Variants in CCDC171 observed in about 807,000 individuals in gnomAD.
CCDC171 encodes coiled-coil domain containing 171, also known as coiled-coil domain-containing protein 171.
Under a neutral mutation model 168.2 loss-of-function variants are expected in CCDC171, and 177 were observed. The observed-to-expected ratio is 1.05, with a 90% confidence interval of 0.93 to 1.19. CCDC171 has a LOEUF of 1.19. CCDC171 is among the 50% of genes most tolerant of loss of function. CCDC171 has a pLI of 0.00. For synonymous variants in CCDC171, 687 were observed against 540.8 expected, an observed-to-expected ratio of 1.27 and a Z score of -3.75; for missense variants, 1,991 against 1,539.0, an observed-to-expected ratio of 1.29 and a Z score of -4.91.
intron 21 of CCDC171, among the ~76,000 whole-genome samples, chr9:15,811,258 C>G (rs2059344412): frequency 6.6e-6 from 1 of 152,172 alleles, no homozygotes; most frequent in Non-Finnish European, 1.5e-5. Flanking sequence ...ATCAAACTCT[C>G]TAACAACCCT....
chr9:15,575,963 G>A (rs1258762662), intron 3 of CCDC171, among the ~76,000 whole-genome samples: 1 of 151,870 alleles, frequency 6.6e-6, no homozygotes, highest in East Asian at 1.9e-4. Context: ...GTGGTGGTGC[G>A]CACCTATAAT....
At chr9:15,707,826 T>C (rs2052362173) in intron 11 of CCDC171, among the ~76,000 whole-genome samples, 1 of 152,222 alleles carries the variant, frequency 6.6e-6, no homozygotes, top group Admixed American at 6.5e-5. Flanking sequence ...AAGAAAACAT[T>C]CAGATAATTA....
At chr9:15,594,019 G>C in intron 5 of CCDC171, 22 bp from the exon 6 acceptor site, 1 of 1,545,740 alleles carries the variant, frequency 6.5e-7, no homozygotes, top group Non-Finnish European at 8.8e-7. Context: ...TAACAGTAAA[G>C]CAAGATTTTA....
the CCDC171 span, among the ~76,000 whole-genome samples, chr9:16,095,221 G>T: frequency 7.9e-5 from 12 of 152,132 alleles, no homozygotes; most frequent in African/African-American, 2.9e-4. Flanking sequence ...GCTCCCTCAG[G>T]AGCAGTTGTG....
At chr9:15,665,497 C>G (rs539957957) in intron 8 of CCDC171, among the ~76,000 whole-genome samples, 10 of 152,204 alleles carry the variant, frequency 6.6e-5, no homozygotes, top group African/African-American at 2.2e-4. Context: ...TTTCAAAAAC[C>G]AGGCCAGGAG....
chr9:15,721,745 T>C, intron 11 of CCDC171, 24 bp from the exon 12 acceptor site: 2 of 1,412,364 alleles, frequency 1.4e-6, no homozygotes, highest in Non-Finnish European at 1.9e-6. Flanking sequence ...TAAGGGTATA[T>C]TTTCATCCTA....
At chr9:15,864,353 A>T (rs1248818456) in intron 23 of CCDC171, among the ~76,000 whole-genome samples, 1 of 152,076 alleles carries the variant, frequency 6.6e-6, no homozygotes, top group African/African-American at 2.4e-5. Flanking sequence ...GTACATGTGC[A>T]CAATGTGCAG....
intron 24 of CCDC171, among the ~76,000 whole-genome samples, chr9:15,912,507 A>T (rs1823835487): frequency 6.6e-6 from 1 of 151,858 alleles, no homozygotes; most frequent in Non-Finnish European, 1.5e-5. Flanking sequence ...GAGGTAATTG[A>T]CTTCTTCTCT....
intron 23 of CCDC171, among the ~76,000 whole-genome samples, chr9:15,867,437 T>C (rs535517671): frequency 6.6e-6 from 1 of 152,190 alleles, no homozygotes; most frequent in Admixed American, 6.6e-5. Flanking sequence ...TTTTAGTGGC[T>C]TGTCAATGAC....
At chr9:15,745,666 A>G in intron 18 of CCDC171, 35 bp downstream of exon 18, 2 of 1,225,090 alleles carry the variant, frequency 1.6e-6, no homozygotes, top group South Asian at 2.8e-5. Context: ...TGCAAAATAC[A>G]TTTAAGAACA....
At chr9:16,069,877 T>C in the CCDC171 span, among the ~76,000 whole-genome samples, 2 of 152,306 alleles carry the variant, frequency 1.3e-5, no homozygotes, top group Non-Finnish European at 2.9e-5. Context: ...GGGGAGTTGC[T>C]GTCAGCCCTT....
intron 21 of CCDC171, among the ~76,000 whole-genome samples, chr9:15,788,426 T>G (rs2135545549): frequency 6.6e-6 from 1 of 152,304 alleles, no homozygotes; most frequent in South Asian, 2.1e-4. Context: ...TGTGCATAAC[T>G]TCTTTTAAAA....
intron 8 of CCDC171, among the ~76,000 whole-genome samples, chr9:15,664,567 T>TACACACACACACACAC (rs34252519): frequency 0.05 from 7,257 of 143,990 alleles, 239 homozygotes; most frequent in Admixed American, 0.079. Flanking sequence ...CTTAAATTTA[T>TACACACACACACACAC]ACACACACAC....
intron 21 of CCDC171, among the ~76,000 whole-genome samples, chr9:15,823,315 A>C (rs369102576): frequency 6.6e-6 from 1 of 152,122 alleles, no homozygotes; most frequent in Admixed American, 6.5e-5. Flanking sequence ...CCTAAAACTT[A>C]AAGTATAATA....
chr9:16,037,515 C>CAGAT (rs1833493579), intron 8 of CCDC171, among the ~76,000 whole-genome samples: 1 of 152,156 alleles, frequency 6.6e-6, no homozygotes, highest in South Asian at 2.1e-4. Flanking sequence ...AGAGCGAGAT[C>CAGAT]AGATCCCCAG....
intron 3 of CCDC171, among the ~76,000 whole-genome samples, 165 bp downstream of exon 3, chr9:15,571,924 A>G (rs1248969878): frequency 2.0e-5 from 3 of 152,174 alleles, no homozygotes; most frequent in Non-Finnish European, 4.4e-5. Context: ...GTGTAATTGC[A>G]TAAGTGTTAA....
intron 6 of CCDC171, among the ~76,000 whole-genome samples, chr9:16,029,627 G>A (rs903116658): frequency 6.6e-6 from 1 of 152,232 alleles, no homozygotes; most frequent in Admixed American, 6.5e-5. Context: ...GGCTATTACT[G>A]CAGTCTGGGA....
chr9:15,999,335 GAGGA>G (rs772915514), intron 3 of CCDC171, among the ~76,000 whole-genome samples: 185 of 148,448 alleles, frequency 1.2e-3, no homozygotes, highest in East Asian at 4.6e-3. Context: ...AAGAAGGAGG[GAGGA>G]AGGAAGGAAG....
At position 15,607,046 on chromosome 9, in the gene CCDC171, T is replaced by G. The variant is rs112972135; in HGVS notation, c.675+12874T>G. ...AATTGCATGAGGTATTTTTGTAGTT[T>G]TTTTGGATTTTCTTGAGTGTTACAT... On this transcript the variant is annotated intron_variant, in intron 6 of 25. Transcript: ENST00000380701. 1.4e-4 allele frequency among the ~76,000 whole-genome samples: 21 copies of G among 152,344 alleles called. 2 individuals are homozygous for G. Among genetic ancestry groups the G allele is most frequent in the African/African-American group, 5.1e-4 (21 of 41,578 alleles).
Sources: allele counts gnomAD v4.1 joint callset (sites outside exome capture counted in the v4.1 genomes callset), GRCh38; gene constraint gnomAD v4.1.1; transcripts MANE v1.5; gene names NCBI Gene and HGNC (gene_info 2026-07-23, HGNC 2026-07-21).